ANXA6: variants seen among roughly 807,000 people sequenced by gnomAD.
ANXA6 encodes annexin A6.
Under a neutral mutation model 95.4 loss-of-function variants are expected in ANXA6, and 71 were observed. The ratio of observed to expected loss-of-function variants is 0.74; its 90% CI spans 0.61 to 0.91. The LOEUF (loss-of-function observed/expected upper bound fraction) is 0.91, where lower values mean the gene tolerates loss of function less well. ANXA6 is among the 40% of genes least tolerant of loss of function. The probability of loss-of-function intolerance (pLI) is 0.00; values close to 1 mark genes in which losing one functional copy is unlikely to be tolerated. For synonymous variants in ANXA6, 289 were observed against 315.9 expected (o/e 0.91, Z 0.90); for missense variants, 830 against 876.4 (o/e 0.95, Z 0.67).
chr5:151,102,581 G>A (rs1015825490), intron 25 of ANXA6, among the ~76,000 whole-genome samples: 1 of 152,152 alleles, frequency 6.6e-6, no homozygotes, highest in Non-Finnish European at 1.5e-5. Context: ...ATGCATGCCT[G>A]CAGTCCCAGC....
chr5:151,139,042 CCA>C (rs1435326571), intron 4 of ANXA6: 4 of 593,966 alleles, frequency 6.7e-6, no homozygotes, highest in Non-Finnish European at 1.2e-5. Flanking sequence ...TGCCACTTCC[CCA>C]CCACTGTCTG....
intron 3 of ANXA6, 86 bp downstream of exon 3, chr5:151,140,067 G>A (rs1320149644): frequency 4.3e-6 from 5 of 1,169,740 alleles, no homozygotes; most frequent in Non-Finnish European, 1.2e-6. Flanking sequence ...CCATTTCACA[G>A]ACCCTACCAC....
At chr5:151,105,159 ATC>A in intron 24 of ANXA6, 84 bp downstream of exon 24, 1 of 1,271,124 alleles carries the variant, frequency 7.9e-7, no homozygotes, top group Non-Finnish European at 1.1e-6. Flanking sequence ...AGGAATCCTG[ATC>A]TGGGGGATGG....
At chr5:151,109,193 GC>G (rs955911622) in intron 22 of ANXA6, among the ~76,000 whole-genome samples, 2 of 152,096 alleles carry the variant, frequency 1.3e-5, no homozygotes, top group African/African-American at 4.8e-5. Context: ...CTATGTTAAA[GC>G]ACCTTAAATA....
chr5:151,126,525 A>G (rs2303029), intron 13 of ANXA6, 45 bp from the exon 14 acceptor site: 259,244 of 1,451,714 alleles, frequency 0.18, 23,856 homozygotes, highest in Admixed American at 0.23. Flanking sequence ...GAATGTCATC[A>G]TGGGCAACAC....
At chr5:151,102,319 C>T (rs139728027) in intron 25 of ANXA6, among the ~76,000 whole-genome samples, 169 of 152,222 alleles carry the variant, frequency 1.1e-3, no homozygotes, top group African/African-American at 3.4e-3. Context: ...TCTGAGATGC[C>T]CATAGTCTCG....
rs778595576 is a variant in ANXA6 at position 151,105,256 on chromosome 5, T to C, written c.1828A>G (p.Lys610Glu). 6.2e-7 allele frequency: 1 copy of C among 1,614,008 alleles called. No homozygotes were observed. Among genetic ancestry groups the C allele is most frequent in the Non-Finnish European group, 8.5e-7 (1 of 1,179,850 alleles). ...KPLFFADKLY[K>E]SMKGAGTDEK... ...GCATGTTTTCTTACCTTCATGGATT[T>C]GTAAAGTTTGTCGGCAAAGAAGAGA... is the stretch of plus-strand genomic sequence containing the variant. Residue 610 changes from lysine (K) to glutamate (E), a missense_variant, in exon 24 of 26, where the codon AAA (lysine) becomes GAA (glutamate). Physicochemically the swap from Lys to Glu is moderately conservative, Grantham distance 56. Transcript: ENST00000354546.
At chr5:151,131,327 G>T in intron 10 of ANXA6, 38 bp from the exon 11 acceptor site, 1 of 1,603,280 alleles carries the variant, frequency 6.2e-7, no homozygotes, top group South Asian at 1.1e-5. Context: ...TATTCTGGCT[G>T]CCTCAGAAGG....
At chr5:151,131,359 C>T in intron 10 of ANXA6, 70 bp from the exon 11 acceptor site, 1 of 1,500,536 alleles carries the variant, frequency 6.7e-7, no homozygotes, top group South Asian at 1.1e-5. Flanking sequence ...GCCTGACTCC[C>T]TCTTTGTTTC....
At chr5:151,120,433 A>T (rs1322686826) in intron 17 of ANXA6, among the ~76,000 whole-genome samples, 2 of 143,440 alleles carry the variant, frequency 1.4e-5, no homozygotes, top group African/African-American at 2.6e-5. Flanking sequence ...AAAAAAAAAA[A>T]AGTCCGGGCG....
At chr5:151,102,305 T>C (rs1398372015) in intron 25 of ANXA6, among the ~76,000 whole-genome samples, 3 of 139,832 alleles carry the variant, frequency 2.1e-5, no homozygotes, top group Non-Finnish European at 4.8e-5. Flanking sequence ...TGTAAGAGAC[T>C]GCCTCTGAGA....
chr5:151,129,527 G>T lies in ANXA6; in HGVS notation c.798C>A (p.Gly266=), dbSNP rs200754350. 4.4e-6 allele frequency: 7 copies of T among 1,601,266 alleles called. No individual in the cohort carries two copies. In the East Asian group the frequency reaches 1.6e-4, roughly 36 times the overall value. ...TCAGGGTGTTGTCCCGAGTCCCCAG[G>T]CCCTGCAAGACAAGTGGGTTTGGGG... ...FAERLFKAMK[G]LGTRDNTLIR... The change falls in exon 12 of 26, where the codon GGC becomes GGA. Residue 266 remains glycine, a splice_region_variant and synonymous_variant. Transcript: ENST00000354546.
chr5:151,116,053 A>G (rs1369193788), intron 20 of ANXA6, among the ~76,000 whole-genome samples: 1 of 152,242 alleles, frequency 6.6e-6, no homozygotes, highest in Non-Finnish European at 1.5e-5. Context: ...TAATCTTGGC[A>G]TCGTTCTCAA....
chr5:151,103,099 C>T (rs553720483), intron 25 of ANXA6, among the ~76,000 whole-genome samples: 76 of 152,220 alleles, frequency 5.0e-4, no homozygotes, highest in African/African-American at 1.3e-3. Flanking sequence ...TGGGTTCAAG[C>T]GATTCTCTTG....
rs376833089 is a variant in ANXA6, at chr5:151,133,048, T to A, written c.640+46A>T. 4.5e-4 allele frequency: 607 copies of A among 1,347,412 alleles called. 2 individuals are homozygous for A. The highest frequency in any genetic ancestry group is 1.1e-3 in the Middle Eastern group (6 of 5,616). The allele number at this position is 1,347,412 out of a possible 1,614,324, so 83.5% of individuals were successfully genotyped here. The stretch of plus-strand genomic sequence containing the variant: ...GAAAAGAGATAAAGAAAGGCATTAT[T>A]GGCATCAACCCAAGGGAGCAGCTTC... On this transcript the variant is annotated intron_variant, in intron 9 of 25. Coordinates refer to ENST00000354546, the MANE Select transcript of ANXA6 (RefSeq NM_001155.5).
intron 9 of ANXA6, 133 bp from the exon 10 acceptor site, chr5:151,132,704 G>A (rs926583664): frequency 7.1e-6 from 5 of 702,012 alleles, no homozygotes; most frequent in Non-Finnish European, 1.2e-5. Flanking sequence ...GTGCTATGAT[G>A]GAGGCGACTG....
intron 13 of ANXA6, 106 bp downstream of exon 13, chr5:151,128,075 G>A: frequency 2.0e-6 from 2 of 996,664 alleles, no homozygotes; most frequent in Non-Finnish European, 3.1e-6. Flanking sequence ...CTGGCTCAGG[G>A]GAATCCCCAG....
In ANXA6 at chr5:151,141,697, G is replaced by A. The variant is rs774104240; in HGVS notation, c.19-1454C>T. 10 of 985,410 alleles carry A rather than the reference G, an allele frequency of 1.0e-5. No homozygotes were observed. The African/African-American group carries it at 1.4e-4, about 14-fold the overall frequency. The allele number at this position is 985,410 out of a possible 1,614,324, so 61.0% of individuals were successfully genotyped here. ...TCCTCTGAGGTATGCATGCGTCGGCGTGGAGTTACTATTTAAAGTTCTGAC... is the reference window on the plus strand; with the variant it reads ...TCCTCTGAGGTATGCATGCGTCGGCATGGAGTTACTATTTAAAGTTCTGAC... On this transcript the variant is annotated intron_variant, in intron 2 of 25. Transcript: ENST00000354546.
intron 1 of ANXA6, among the ~76,000 whole-genome samples, chr5:151,157,043 A>C (rs1766254434): frequency 6.6e-6 from 1 of 152,160 alleles, no homozygotes; most frequent in Non-Finnish European, 1.5e-5. Context: ...GGGGATGCAG[A>C]AAGAAGGGTA....
Sources: allele counts gnomAD v4.1 joint callset (sites outside exome capture counted in the v4.1 genomes callset), GRCh38; gene constraint gnomAD v4.1.1; transcripts MANE v1.5; gene names NCBI Gene and HGNC (gene_info 2026-07-23, HGNC 2026-07-21).